Variants in UGT1A4 observed in about 807,000 individuals in gnomAD.
UGT1A4 encodes UDP glucuronosyltransferase family 1 member A4.
In UGT1A4, 32 loss-of-function variants were observed where a neutral mutation model predicts 41.1. That is an observed-to-expected ratio of 0.78 (90% CI 0.59 to 1.05). The LOEUF is 1.05. Ranked by LOEUF, UGT1A4 falls within the 50% of genes least tolerant of loss-of-function variation. The pLI, the probability that UGT1A4 is intolerant of heterozygous loss-of-function variation, is 0.00. For synonymous variants in UGT1A4, 283 were observed against 265.1 expected (o/e 1.07, Z -0.66); for missense variants, 748 against 677.4 (o/e 1.10, Z -1.16).
At chr2:233,729,975 C>T in intron 1 of UGT1A4, 1 of 1,614,046 alleles carries the variant, frequency 6.2e-7, no homozygotes, top group Non-Finnish European at 8.5e-7. Context: ...ACTGTGCCAA[C>T]AGGAAGCCAC....
chr2:233,722,992 G>T (rs183532563), intron 1 of UGT1A4, among the ~76,000 whole-genome samples: 4,843 of 146,624 alleles, frequency 0.033, 98 homozygotes, highest in African/African-American at 0.049. Flanking sequence ...GTCTCAGCGT[G>T]GCAGAGGCAG....
In UGT1A4 at chr2:233,739,739, C is replaced by T. The variant is rs186719753; in HGVS notation, c.867+20052C>T. 9.1e-3 allele frequency among the ~76,000 whole-genome samples: 1,388 copies of T among 152,094 alleles called. 31 individuals carry two copies. Among genetic ancestry groups the T allele is most frequent in the African/African-American group, 0.032 (1,304 of 41,394 alleles). ...GGACTTGACTTGTCTCAGATGAGAC[C>T]TTGGACTATGGACTTTTGAGCTAGT... On this transcript the variant is annotated intron_variant, in intron 1 of 4. Coordinates refer to ENST00000373409, the MANE Select transcript of UGT1A4 (RefSeq NM_007120.3).
chr2:233,729,665 T>C, intron 1 of UGT1A4: 1 of 1,613,966 alleles, frequency 6.2e-7, no homozygotes, highest in Non-Finnish European at 8.5e-7. Context: ...CCATGTGATT[T>C]AGACTTTAAG....
intron 1 of UGT1A4, among the ~76,000 whole-genome samples, 167 bp from the exon 2 acceptor site, chr2:233,766,867 G>A (rs568299850): frequency 5.3e-5 from 8 of 152,308 alleles, no homozygotes; most frequent in African/African-American, 1.7e-4. Flanking sequence ...AAGTAAAGGA[G>A]AGGAAAATGC....
chr2:233,734,262 T>C (rs1260850291), intron 1 of UGT1A4, among the ~76,000 whole-genome samples: 1 of 152,214 alleles, frequency 6.6e-6, no homozygotes, highest in Non-Finnish European at 1.5e-5. Context: ...GGAGGGTGTA[T>C]GTGTCCAGGA....
chr2:233,770,138 C>T (rs1700024160), intron 4 of UGT1A4: 1 of 152,234 alleles, frequency 6.6e-6, no homozygotes. Context: ...TCCTCTAATA[C>T]ATTATTTTTT....
chr2:233,729,776 C>T lies in UGT1A4; in HGVS notation c.867+10089C>T, dbSNP rs139850391. The T allele has an allele frequency of 1.9e-4, 310 of 1,613,846 alleles. 1 individual carries two copies. Among genetic ancestry groups the T allele is most frequent in the Non-Finnish European group, 2.3e-4 (267 of 1,179,864 alleles). ...CAAAGGGTCAAGAACATGCTCTACCCTCTGGCCCTGTCCTACATTTGCCAT... is the reference window on the plus strand; with the variant it reads ...CAAAGGGTCAAGAACATGCTCTACCTTCTGGCCCTGTCCTACATTTGCCAT... On this transcript the variant is annotated intron_variant, in intron 1 of 4. Transcript: ENST00000373409.
At chr2:233,763,334 A>C (rs1454444157) in intron 1 of UGT1A4, among the ~76,000 whole-genome samples, 1 of 152,148 alleles carries the variant, frequency 6.6e-6, no homozygotes, top group Non-Finnish European at 1.5e-5. Flanking sequence ...TTTTGTTTAC[A>C]TTTCCCTAGC....
rs115693071 is a variant in UGT1A4 at position 233,730,075 on chromosome 2, T to C, written c.867+10388T>C. ...ATGTATTTATTTAAAATTGCTTCCA[T>C]ATTTACTTATCTTTCCAAATATTTC... On this transcript the variant is annotated intron_variant, in intron 1 of 4. Coordinates refer to ENST00000373409, the MANE Select transcript of UGT1A4 (RefSeq NM_007120.3). 4.0e-4 allele frequency: 646 copies of C among 1,607,268 alleles called. 1 individual carries two copies. In the African/African-American group the frequency reaches 5.1e-3, roughly 13 times the overall value.
intron 1 of UGT1A4, among the ~76,000 whole-genome samples, chr2:233,724,137 G>A (rs1240134584): frequency 1.9e-4 from 22 of 114,476 alleles, no homozygotes; most frequent in Non-Finnish European, 2.5e-4. Context: ...CCTCCCGGAC[G>A]GGGCGGCTGG....
chr2:233,719,099 G>T lies in UGT1A4; in HGVS notation c.279G>T (p.Thr93=). The part of the protein sequence containing the change: ...PWTQKEFDRV[T]LGYTQGFFET... ...CCCAGAAGGAATTTGATCGCGTTAC[G>T]CTGGGCTACACTCAAGGGTTCTTTG... The change falls in exon 1 of 5, where the codon ACG becomes ACT. Residue 93 remains threonine, a synonymous_variant. Coordinates refer to ENST00000373409, the MANE Select transcript of UGT1A4 (RefSeq NM_007120.3). 3 of 1,614,244 alleles carry T rather than the reference G, an allele frequency of 1.9e-6. No homozygotes were observed. Among genetic ancestry groups the T allele is most frequent in the Non-Finnish European group, 2.5e-6 (3 of 1,180,044 alleles).
intron 1 of UGT1A4, chr2:233,755,168 T>C (rs1695794635): frequency 1.6e-6 from 2 of 1,266,444 alleles, no homozygotes; most frequent in Non-Finnish European, 1.1e-6. Flanking sequence ...CCTCGGGGTT[T>C]TTGTCGGGGT....
intron 1 of UGT1A4, among the ~76,000 whole-genome samples, chr2:233,724,132 C>T (rs1385895919): frequency 3.1e-4 from 38 of 120,742 alleles, no homozygotes; most frequent in South Asian, 1.8e-3. Flanking sequence ...CCTCACCTCC[C>T]GGACGGGGCG....
chr2:233,738,821 A>G (rs1039985874), intron 1 of UGT1A4: 3 of 152,270 alleles, frequency 2.0e-5, no homozygotes, highest in African/African-American at 7.2e-5. Context: ...AATTTGAATA[A>G]ATAAGGAGGA....
intron 1 of UGT1A4, among the ~76,000 whole-genome samples, chr2:233,731,422 C>T (rs547999595): frequency 2.0e-5 from 3 of 152,028 alleles, no homozygotes; most frequent in Non-Finnish European, 4.4e-5. Context: ...TTTCCTAATG[C>T]CATCCCTCCC....
chr2:233,755,381 T>A (rs759849144), intron 1 of UGT1A4: 1 of 348,720 alleles, frequency 2.9e-6, no homozygotes, highest in Non-Finnish European at 5.6e-6. Flanking sequence ...GGCCGCCCCT[T>A]ATGACGCAGC....
chr2:233,769,855 C>G lies in UGT1A4; in HGVS notation c.1307+1416C>G. On this transcript the variant is annotated intron_variant, in intron 4 of 4. Transcript: ENST00000373409. The surrounding 1 kb of genome is among the most constrained non-coding windows in gnomAD (Gnocchi z 4.4). ...CCTGGGCAACAGAGTGAGACCCTGT[C>G]TCAAAAAAAAAAAAAAAAATGAAAA... is the stretch of plus-strand genomic sequence containing the variant. The G allele has an allele frequency of 2.7e-6, 1 of 372,080 alleles. No individual in the cohort carries two copies. The highest frequency in any genetic ancestry group is 7.2e-5 in the South Asian group (1 of 13,958). 23.0% of individuals were successfully genotyped at this position (372,080 alleles called of 1,614,324 possible).
At chr2:233,745,380 C>A (rs531226985) in intron 1 of UGT1A4, among the ~76,000 whole-genome samples, 1 of 151,924 alleles carries the variant, frequency 6.6e-6, no homozygotes, top group East Asian at 1.9e-4. Flanking sequence ...GTTCTCTTCA[C>A]CTCCTTATTC....
Position 233,722,831 on chromosome 2 carries a change from TAATAAG to T in UGT1A4, c.867+3148_867+3153del, listed in dbSNP as rs774819314. On this transcript the variant is annotated intron_variant, in intron 1 of 4. Coordinates refer to ENST00000373409, the MANE Select transcript of UGT1A4 (RefSeq NM_007120.3). ...TATTTTTTCAAGTTATTTTGTATTA[TAATAAG>T]AATGTTTCTTTTTTTTTTTTTTGAA... Among the ~76,000 whole-genome samples the T allele has an allele frequency of 7.7e-4, 116 of 149,718 alleles. 2 individuals are homozygous for T. The highest frequency in any genetic ancestry group is 2.2e-3 in the Admixed American group (33 of 14,992).
Sources: allele counts gnomAD v4.1 joint callset (sites outside exome capture counted in the v4.1 genomes callset), GRCh38; gene constraint gnomAD v4.1.1; non-coding constraint Gnocchi (gnomAD v3.1); transcripts MANE v1.5; gene names NCBI Gene and HGNC (gene_info 2026-07-23, HGNC 2026-07-21).